The following PTP4A2 variants were observed in gnomAD, a reference collection of about 807,000 sequenced individuals.
PTP4A2 encodes the protein protein tyrosine phosphatase type IVA 2.
Under a neutral mutation model 22.9 loss-of-function variants are expected in PTP4A2, and 2 were observed. The observed-to-expected ratio is 0.09, with a 90% confidence interval of 0.04 to 0.27. The LOEUF (loss-of-function observed/expected upper bound fraction) is 0.27. Ranked by LOEUF, PTP4A2 falls within the 10% of genes least tolerant of loss-of-function variation. PTP4A2 has a pLI of 1.00. For synonymous variants in PTP4A2, 68 were observed against 69.1 expected, an observed-to-expected ratio of 0.98 and a Z score of 0.08; for missense variants, 103 against 205.1, an observed-to-expected ratio of 0.50 and a Z score of 3.04.
intron 2 of PTP4A2, among the ~76,000 whole-genome samples, chr1:31,916,505 G>T (rs1252430453): frequency 6.6e-6 from 1 of 152,044 alleles, no homozygotes; most frequent in Non-Finnish European, 1.5e-5. Context: ...CCTTTCTAAA[G>T]GGCAGTTTGG....
chr1:31,937,185 G>T (rs1569664644), intron 1 of PTP4A2, among the ~76,000 whole-genome samples: 1 of 151,952 alleles, frequency 6.6e-6, no homozygotes, highest in East Asian at 1.9e-4. Flanking sequence ...TGACAAATTT[G>T]AAAATTTACT....
intron 3 of PTP4A2, among the ~76,000 whole-genome samples, chr1:31,914,809 T>C (rs1651739340): frequency 6.6e-6 from 1 of 152,230 alleles, no homozygotes; most frequent in Non-Finnish European, 1.5e-5. Context: ...CCTATTTTGA[T>C]GCTAAAAAGG....
At chr1:31,931,964 T>C (rs1028301813) in intron 1 of PTP4A2, among the ~76,000 whole-genome samples, 1 of 152,226 alleles carries the variant, frequency 6.6e-6, no homozygotes, top group Non-Finnish European at 1.5e-5. Flanking sequence ...TCAACATTTG[T>C]ATATAAATCC....
chr1:31,922,380 G>A (rs559539972), intron 1 of PTP4A2, among the ~76,000 whole-genome samples: 36 of 152,304 alleles, frequency 2.4e-4, no homozygotes, highest in African/African-American at 8.2e-4. Flanking sequence ...CTACTCGGGA[G>A]GCTGAGGCAG....
chr1:31,927,777 G>A (rs1232334308), intron 1 of PTP4A2, among the ~76,000 whole-genome samples: 4 of 152,122 alleles, frequency 2.6e-5, no homozygotes, highest in East Asian at 1.9e-4. Context: ...TACAGAACTT[G>A]TGGAGTCCAA....
Position 31,907,209 on chromosome 1 carries a change from A to T in PTP4A2, c.*1643T>A, listed in dbSNP as rs1651216421. Reference sequence around the variant, plus strand: ...AAATGGGAGGCTTATGGCTCTGCACAGCAAATTCCAGCAGGACAAGATGAC... The same window carrying T: ...AAATGGGAGGCTTATGGCTCTGCACTGCAAATTCCAGCAGGACAAGATGAC... On this transcript the variant is annotated 3_prime_UTR_variant, in exon 6 of 6. Transcript: ENST00000647444. 6.6e-6 allele frequency: 1 copy of T among 152,274 alleles called. No homozygotes were observed. Among genetic ancestry groups the T allele is most frequent in the African/African-American group, 2.4e-5 (1 of 41,454 alleles). 9.4% of individuals were successfully genotyped at this position (152,274 alleles called of 1,614,324 possible). A position where few individuals can be genotyped will look rare whatever the true frequency, so the allele number is the denominator to read the frequency against.
chr1:31,922,343 C>T (rs1049217470), intron 1 of PTP4A2, among the ~76,000 whole-genome samples: 2 of 152,072 alleles, frequency 1.3e-5, no homozygotes, highest in African/African-American at 2.4e-5. Context: ...ATTAGTTGGG[C>T]GTGGTGGCAC....
chr1:31,922,755 G>C (rs558224284), intron 1 of PTP4A2, among the ~76,000 whole-genome samples: 1 of 151,738 alleles, frequency 6.6e-6, no homozygotes, highest in African/African-American at 2.4e-5. Context: ...AGGCTCCTGA[G>C]GAGCTGGGAA....
At chr1:31,936,875 C>G (rs1652956873) in intron 1 of PTP4A2, among the ~76,000 whole-genome samples, 2 of 152,132 alleles carry the variant, frequency 1.3e-5, no homozygotes, top group Admixed American at 6.5e-5. Context: ...GTACCATATT[C>G]CAACTCAGCA....
At chr1:31,912,350 TAACAGA>T (rs1278412659) in intron 3 of PTP4A2, among the ~76,000 whole-genome samples, 1 of 152,190 alleles carries the variant, frequency 6.6e-6, no homozygotes, top group Non-Finnish European at 1.5e-5. Context: ...TAGTAAATCA[TAACAGA>T]AACAAACTAC....
chr1:31,929,138 AC>A (rs1172730009), intron 1 of PTP4A2, among the ~76,000 whole-genome samples: 1 of 152,266 alleles, frequency 6.6e-6, no homozygotes, highest in African/African-American at 2.4e-5. Context: ...TATTTACTTT[AC>A]AATTTTGTAC....
intron 1 of PTP4A2, among the ~76,000 whole-genome samples, chr1:31,925,312 G>A (rs999537724): frequency 6.6e-6 from 1 of 152,114 alleles, no homozygotes; most frequent in Non-Finnish European, 1.5e-5. Context: ...ATAATCATAG[G>A]ATTAGAAAGA....
rs1204595576 is a variant in PTP4A2, at chr1:31,908,140, TTATATA to T, written c.*706_*711del. ...TATATATATATATATATATATTATATTATATATATATATATATATATATATATATAT... is the reference window on the plus strand; with the variant it reads ...TATATATATATATATATATATTATATTATATATATATATATATATATATAT... On this transcript the variant is annotated 3_prime_UTR_variant, in exon 6 of 6. Transcript: ENST00000647444. 2.4e-3 allele frequency: 1 copy of T among 424 alleles called. No individual in the cohort carries two copies. The highest frequency in any genetic ancestry group is 4.5e-3 in the Non-Finnish European group (1 of 222). The allele number at this position is 424 out of a possible 1,614,324, so 0.0% of individuals were successfully genotyped here.
At chr1:31,928,459 G>C (rs1484912121) in intron 1 of PTP4A2, among the ~76,000 whole-genome samples, 1 of 151,454 alleles carries the variant, frequency 6.6e-6, no homozygotes, top group Non-Finnish European at 1.5e-5. Flanking sequence ...CAGCACTTTG[G>C]AAGGCCAAGA....
At chr1:31,912,939 G>T (rs2377924) in intron 3 of PTP4A2, 21,031 of 427,544 alleles carry the variant, frequency 0.049, 640 homozygotes, top group Middle Eastern at 0.11. Context: ...TATTATAAAT[G>T]TCACTAGAGA....
intron 1 of PTP4A2, among the ~76,000 whole-genome samples, chr1:31,936,296 G>A (rs553104366): frequency 2.1e-4 from 32 of 151,926 alleles, no homozygotes; most frequent in Admixed American, 1.4e-3. Flanking sequence ...AAAATTAGCC[G>A]GGTGTGGTGG....
Position 31,923,021 on chromosome 1 carries a change from T to C in PTP4A2, c.-593-3363A>G, listed in dbSNP as rs569443209. Among the ~76,000 whole-genome samples, 4 of 151,700 alleles carry C rather than the reference T, an allele frequency of 2.6e-5. No individual in the cohort carries two copies. In the East Asian group the frequency reaches 7.8e-4, roughly 30 times the overall value. On this transcript the variant is annotated intron_variant, in intron 1 of 5. Transcript: ENST00000647444. Reference sequence around the variant, plus strand: ...ATCTCAGCTCACTGCAACCTCCGCCTCCTGGGTTCAAGCAATTCTCCTGCC... The same window carrying C: ...ATCTCAGCTCACTGCAACCTCCGCCCCCTGGGTTCAAGCAATTCTCCTGCC...
chr1:31,907,727 C>T lies in PTP4A2; in HGVS notation c.*1125G>A, dbSNP rs1651254877. 1.3e-5 allele frequency: 2 copies of T among 152,084 alleles called. No homozygotes were observed. Among genetic ancestry groups the T allele is most frequent in the Admixed American group, 6.6e-5 (1 of 15,264 alleles). The allele number at this position is 152,084 out of a possible 1,614,324, so 9.4% of individuals were successfully genotyped here. A position where few individuals can be genotyped will look rare whatever the true frequency, so the allele number is the denominator to read the frequency against. ...GCTCCTTTGACGGTTCCTGAAAATT[C>T]AGAGTACAAGTCCTAAAATAAAAAT... On this transcript the variant is annotated 3_prime_UTR_variant, in exon 6 of 6. Coordinates refer to ENST00000647444, the MANE Select transcript of PTP4A2 (RefSeq NM_080391.4).
At chr1:31,920,999 A>G (rs1222365822) in intron 1 of PTP4A2, among the ~76,000 whole-genome samples, 1 of 152,230 alleles carries the variant, frequency 6.6e-6, no homozygotes, top group African/African-American at 2.4e-5. Context: ...TATCCAAAGT[A>G]TATGTGTTGG....
Sources: allele counts gnomAD v4.1 joint callset (sites outside exome capture counted in the v4.1 genomes callset), GRCh38; gene constraint gnomAD v4.1.1; transcripts MANE v1.5; gene names NCBI Gene and HGNC (gene_info 2026-07-23, HGNC 2026-07-21).